Variants in CRPPA observed in about 807,000 individuals in gnomAD.
CRPPA encodes the protein D-ribitol-5-phosphate cytidylyltransferase.
CRPPA carries 43 observed loss-of-function variants against 52.0 expected under a neutral mutation model. That is an observed-to-expected ratio of 0.83 (90% CI 0.65 to 1.07). CRPPA has a LOEUF of 1.07. Among genes scored for constraint, CRPPA ranks in the 50% least tolerant of loss-of-function variants. CRPPA has a pLI of 0.00. For missense variants in CRPPA, 629 were observed against 551.7 expected (o/e 1.14, Z -1.40); for synonymous variants, 250 against 203.5 (o/e 1.23, Z -1.94).
At chr7:16,379,476 C>CT (rs1382831008) in intron 2 of CRPPA, among the ~76,000 whole-genome samples, 18 of 152,228 alleles carry the variant, frequency 1.2e-4, no homozygotes, top group Non-Finnish European at 1.5e-4. Context: ...AATGTGGGCT[C>CT]TTTTTTGGTT....
intron 9 of CRPPA, among the ~76,000 whole-genome samples, chr7:16,177,970 T>C (rs1781336993): frequency 6.6e-6 from 1 of 151,222 alleles, no homozygotes; most frequent in African/African-American, 2.4e-5. Flanking sequence ...ACCAACTTCT[T>C]CCAGAAAATC....
At position 16,259,007 on chromosome 7, in the gene CRPPA, T is replaced by C; in HGVS notation, c.939A>G (p.Val313=). Residue 313 remains valine, a synonymous_variant, in exon 7 of 10, where the codon GTA becomes GTG. Transcript: ENST00000407010. ...GACCCAGAGCCTCAGATGTGACTTTTACATGCTAGTAGGAAAAAACAGAAA... is the reference window on the plus strand; with the variant it reads ...GACCCAGAGCCTCAGATGTGACTTTCACATGCTAGTAGGAAAAAACAGAAA... ...EEVLKSELNH[V]KVTSEALGHA... is the part of the protein sequence containing the mutation. 1.9e-6 allele frequency: 3 copies of C among 1,605,948 alleles called. No individual in the cohort carries two copies. The highest frequency in any genetic ancestry group is 1.1e-5 in the South Asian group (1 of 89,930).
At chr7:16,398,553 G>A (rs907545718) in intron 2 of CRPPA, among the ~76,000 whole-genome samples, 2 of 152,192 alleles carry the variant, frequency 1.3e-5, no homozygotes, top group East Asian at 1.9e-4. Context: ...TAAGTGACAC[G>A]TGATCGTCAA....
rs765655372 is a variant in CRPPA, at chr7:16,376,190, C to T, written c.586G>A (p.Asp196Asn). 1 of 1,613,418 alleles carries T rather than the reference C, an allele frequency of 6.2e-7. No individual in the cohort carries two copies. Among genetic ancestry groups the T allele is most frequent in the African/African-American group, 1.3e-5 (1 of 75,004 alleles). The stretch of plus-strand genomic sequence containing the variant: ...TCTAGCGAGTAGTCTAAGCAACCAT[C>T]AGCAGATGGACTGACGACAGTAGAT... ...LVSTVVSPSA[D>N]GCLDYSLERA... The change falls in exon 3 of 10, where the codon GAT (aspartate) becomes AAT (asparagine). Residue 196 changes from aspartate to asparagine, a missense_variant. Coordinates refer to ENST00000407010, the MANE Select transcript of CRPPA (RefSeq NM_001101426.4).
chr7:16,217,358 A>C (rs1296976950), intron 8 of CRPPA, among the ~76,000 whole-genome samples: 2 of 152,012 alleles, frequency 1.3e-5, no homozygotes, highest in Non-Finnish European at 2.9e-5. Flanking sequence ...GAACAGAAAA[A>C]CTGGAAACTC....
chr7:16,115,103 G>A (rs893128465), intron 9 of CRPPA, among the ~76,000 whole-genome samples: 2 of 151,768 alleles, frequency 1.3e-5, no homozygotes, highest in Non-Finnish European at 2.9e-5. Context: ...CTCCAAAATC[G>A]ATTAACAATA....
intron 3 of CRPPA, among the ~76,000 whole-genome samples, chr7:16,367,019 A>G (rs1786612481): frequency 6.6e-6 from 1 of 152,184 alleles, no homozygotes; most frequent in Non-Finnish European, 1.5e-5. Flanking sequence ...CTTTCACTAA[A>G]GTAACAAGTC....
chr7:16,288,117 T>C (rs1321992082), intron 5 of CRPPA, among the ~76,000 whole-genome samples: 1 of 151,870 alleles, frequency 6.6e-6, no homozygotes, highest in Non-Finnish European at 1.5e-5. Context: ...TGTGAAAAAA[T>C]AAATTTTGGT....
intron 9 of CRPPA, among the ~76,000 whole-genome samples, chr7:16,093,248 C>G (rs1781871397): frequency 6.6e-6 from 1 of 152,088 alleles, no homozygotes; most frequent in African/African-American, 2.4e-5. Flanking sequence ...ATAACAAATT[C>G]AAAGCAAAAG....
chr7:16,127,963 G>A (rs1393748301), intron 9 of CRPPA, among the ~76,000 whole-genome samples: 1 of 152,082 alleles, frequency 6.6e-6, no homozygotes, highest in African/African-American at 2.4e-5. Flanking sequence ...TGCAATTTTT[G>A]AGGCTGCCAT....
chr7:16,238,221 T>A (rs1343229608), intron 8 of CRPPA, among the ~76,000 whole-genome samples: 1 of 152,196 alleles, frequency 6.6e-6, no homozygotes, highest in Non-Finnish European at 1.5e-5. Context: ...AGTAAGATGC[T>A]GTTTTTTTAA....
chr7:16,386,839 G>C (rs1159845769), intron 2 of CRPPA, among the ~76,000 whole-genome samples: 2 of 151,624 alleles, frequency 1.3e-5, no homozygotes, highest in Admixed American at 6.6e-5. Flanking sequence ...TGGCCAACAG[G>C]GGAAACCCTG....
chr7:16,216,339 T>C, intron 8 of CRPPA, 142 bp from the exon 9 acceptor site: 1 of 544,748 alleles, frequency 1.8e-6, no homozygotes, highest in Non-Finnish European at 3.2e-6. Context: ...CTAGTTATGC[T>C]TCAAGCCATA....
chr7:16,239,576 A>AAAAAAAAAAT (rs1783051037), intron 8 of CRPPA, among the ~76,000 whole-genome samples: 1 of 150,086 alleles, frequency 6.7e-6, no homozygotes, highest in Non-Finnish European at 1.5e-5. Flanking sequence ...AAAAAAAAAA[A>AAAAAAAAAAT]AAAAAAAACT....
chr7:16,211,774 T>C (rs541097559), intron 9 of CRPPA, among the ~76,000 whole-genome samples: 1 of 152,276 alleles, frequency 6.6e-6, no homozygotes, highest in South Asian at 2.1e-4. Flanking sequence ...ACTGTTCCTA[T>C]ATCATTATCA....
At chr7:16,350,008 C>A (rs1485218333) in intron 3 of CRPPA, among the ~76,000 whole-genome samples, 1 of 151,820 alleles carries the variant, frequency 6.6e-6, no homozygotes, top group East Asian at 1.9e-4. Context: ...GCAAGGGAAA[C>A]CCAAGTTGTT....
chr7:16,164,800 C>T (rs1781015139), intron 9 of CRPPA, among the ~76,000 whole-genome samples: 2 of 152,268 alleles, frequency 1.3e-5, no homozygotes, highest in African/African-American at 4.8e-5. Context: ...TGGGAGTCCA[C>T]TACAGACACT....
At chr7:16,280,228 G>A (rs1363552369) in intron 5 of CRPPA, among the ~76,000 whole-genome samples, 1 of 152,202 alleles carries the variant, frequency 6.6e-6, no homozygotes, top group Non-Finnish European at 1.5e-5. Context: ...GTTCTAAAGT[G>A]GGATACTTAG....
intron 9 of CRPPA, among the ~76,000 whole-genome samples, chr7:16,150,598 G>A (rs1398304256): frequency 6.6e-6 from 1 of 152,046 alleles, no homozygotes; most frequent in Non-Finnish European, 1.5e-5. Context: ...ACACTACCAC[G>A]ATATAAGAAA....
Sources: allele counts gnomAD v4.1 joint callset (sites outside exome capture counted in the v4.1 genomes callset), GRCh38; gene constraint gnomAD v4.1.1; transcripts MANE v1.5; gene names NCBI Gene and HGNC (gene_info 2026-07-23, HGNC 2026-07-21).